The following ZNF804B variants were observed in gnomAD, a reference collection of about 807,000 sequenced individuals.
ZNF804B encodes zinc finger 804B.
In ZNF804B, 80 loss-of-function variants were observed where a neutral mutation model predicts 101.4. The ratio of observed to expected loss-of-function variants is 0.79; its 90% CI spans 0.66 to 0.95. ZNF804B has a LOEUF of 0.95. Among genes scored for constraint, ZNF804B ranks in the 40% least tolerant of loss-of-function variants. The pLI, the probability that ZNF804B is intolerant of heterozygous loss-of-function variation, is 0.00. For synonymous variants in ZNF804B, 622 were observed against 558.8 expected, an observed-to-expected ratio of 1.11 and a Z score of -1.59; for missense variants, 1,673 against 1,561.9, an observed-to-expected ratio of 1.07 and a Z score of -1.20.
intron 1 of ZNF804B, among the ~76,000 whole-genome samples, chr7:89,152,734 G>A (rs975884234): frequency 1.3e-5 from 2 of 152,026 alleles, no homozygotes; most frequent in Non-Finnish European, 2.9e-5. Flanking sequence ...CAATGTTGAG[G>A]CAATGTGCCT....
At chr7:89,135,467 T>C (rs1790617379) in intron 1 of ZNF804B, among the ~76,000 whole-genome samples, 1 of 152,112 alleles carries the variant, frequency 6.6e-6, no homozygotes, top group Admixed American at 6.6e-5. Flanking sequence ...TCATGTGATT[T>C]ATCACATTTT....
At chr7:89,117,529 T>C (rs1790329175) in intron 1 of ZNF804B, among the ~76,000 whole-genome samples, 1 of 152,192 alleles carries the variant, frequency 6.6e-6, no homozygotes, top group Non-Finnish European at 1.5e-5. Context: ...CTATATCCAA[T>C]CACTAATCAA....
chr7:89,103,048 GTTTTTT>G (rs56693128), intron 1 of ZNF804B, among the ~76,000 whole-genome samples: 249 of 33,644 alleles, frequency 7.4e-3, no homozygotes, highest in African/African-American at 0.014. Flanking sequence ...CTATGTGTCT[GTTTTTT>G]TTTTTTTTTT....
At chr7:88,892,229 G>T (rs1367833090) in intron 1 of ZNF804B, among the ~76,000 whole-genome samples, 1 of 152,028 alleles carries the variant, frequency 6.6e-6, no homozygotes, top group Non-Finnish European at 1.5e-5. Context: ...TATGATCTCT[G>T]TTATTTCCAG....
At chr7:89,213,468 T>A (rs1219624333) in intron 1 of ZNF804B, among the ~76,000 whole-genome samples, 2 of 152,206 alleles carry the variant, frequency 1.3e-5, no homozygotes, top group African/African-American at 4.8e-5. Context: ...GCAATTGATT[T>A]CTTCCCTTTC....
intron 1 of ZNF804B, among the ~76,000 whole-genome samples, chr7:88,893,311 G>C (rs1055805787): frequency 6.6e-6 from 1 of 151,700 alleles, no homozygotes; most frequent in South Asian, 2.1e-4. Flanking sequence ...ACCATTTTTG[G>C]GACATACTTA....
intron 1 of ZNF804B, among the ~76,000 whole-genome samples, chr7:88,885,787 C>T (rs899098871): frequency 5.3e-5 from 8 of 151,482 alleles, no homozygotes; most frequent in East Asian, 1.9e-4. Flanking sequence ...ATCTTATATG[C>T]GTCTGTTTAA....
chr7:88,988,737 T>A (rs1179666011), intron 1 of ZNF804B, among the ~76,000 whole-genome samples: 1 of 152,102 alleles, frequency 6.6e-6, no homozygotes, highest in Admixed American at 6.6e-5. Context: ...GGGAATGACA[T>A]AAGATGAAGA....
chr7:89,229,710 T>C (rs1007853232), intron 2 of ZNF804B, among the ~76,000 whole-genome samples: 1 of 152,186 alleles, frequency 6.6e-6, no homozygotes, highest in Non-Finnish European at 1.5e-5. Context: ...CATCAATCAA[T>C]TGGATCTAAC....
In ZNF804B at chr7:88,968,779, A is replaced by T. The variant is rs147865269; in HGVS notation, c.108+208695A>T. Among the ~76,000 whole-genome samples, 3 of 151,778 alleles carry T rather than the reference A, an allele frequency of 2.0e-5. 1 individual carries two copies. The East Asian group carries it at 5.9e-4, about 30-fold the overall frequency. ...CTAAACTGCCTCCTTATCAAGAGTT[A>T]TAAAAAGAAGTACTGTGCTACCTCA... On this transcript the variant is annotated intron_variant, in intron 1 of 3. Transcript: ENST00000333190.
intron 1 of ZNF804B, among the ~76,000 whole-genome samples, chr7:89,032,086 G>A (rs1788845930): frequency 6.6e-6 from 1 of 152,012 alleles, no homozygotes; most frequent in Admixed American, 6.6e-5. Flanking sequence ...AGATCACACA[G>A]CTATTTTATT....
At chr7:89,282,737 C>T (rs1453810296) in intron 2 of ZNF804B, among the ~76,000 whole-genome samples, 1 of 152,098 alleles carries the variant, frequency 6.6e-6, no homozygotes, top group East Asian at 1.9e-4. Flanking sequence ...TTTGATGATA[C>T]ACAGAAGAGC....
chr7:89,317,787 C>T (rs1790757523), intron 2 of ZNF804B, among the ~76,000 whole-genome samples: 1 of 152,190 alleles, frequency 6.6e-6, no homozygotes, highest in East Asian at 1.9e-4. Flanking sequence ...CAACCCAAAA[C>T]TCTCAGCTGC....
At chr7:88,938,424 G>A (rs920608413) in intron 1 of ZNF804B, among the ~76,000 whole-genome samples, 1 of 151,910 alleles carries the variant, frequency 6.6e-6, no homozygotes, top group East Asian at 1.9e-4. Flanking sequence ...ACAACTTTGC[G>A]GGGCTATTTC....
chr7:88,967,741 T>C (rs1282858639), intron 1 of ZNF804B, among the ~76,000 whole-genome samples: 2 of 148,060 alleles, frequency 1.4e-5, no homozygotes, highest in African/African-American at 4.9e-5. Flanking sequence ...AAAAAAATCA[T>C]GTGTAAAGAT....
chr7:88,863,709 A>G (rs1459656520), intron 1 of ZNF804B, among the ~76,000 whole-genome samples: 1 of 152,234 alleles, frequency 6.6e-6, no homozygotes, highest in Non-Finnish European at 1.5e-5. Context: ...TAAGGAAGTG[A>G]CATTTGGACT....
At chr7:89,257,901 G>A (rs932748342) in intron 2 of ZNF804B, among the ~76,000 whole-genome samples, 2 of 151,766 alleles carry the variant, frequency 1.3e-5, no homozygotes, top group African/African-American at 2.4e-5. Flanking sequence ...TTTTTTTCCA[G>A]TGAGAAGTTT....
At chr7:89,279,738 G>A (rs991433066) in intron 2 of ZNF804B, among the ~76,000 whole-genome samples, 4 of 152,010 alleles carry the variant, frequency 2.6e-5, no homozygotes, top group Non-Finnish European at 5.9e-5. Flanking sequence ...TTGATGTGCT[G>A]CTGGATTCGG....
chr7:88,784,618 C>T (rs1437574623), intron 1 of ZNF804B, among the ~76,000 whole-genome samples: 3 of 152,118 alleles, frequency 2.0e-5, no homozygotes, highest in Non-Finnish European at 4.4e-5. Context: ...TCCGCACATT[C>T]ACTGCCAACG....
Sources: gnomAD v4.1 joint callset for allele counts (sites outside exome capture counted in the v4.1 genomes callset) on GRCh38, gnomAD v4.1.1 for gene constraint, MANE v1.5 for transcripts, NCBI Gene and HGNC (gene_info 2026-07-23, HGNC 2026-07-21) for gene names.